FAM221B: variants seen among roughly 807,000 people sequenced by gnomAD.
FAM221B encodes the protein family with sequence similarity 221 member B.
A neutral mutation model predicts 39.8 loss-of-function variants in FAM221B; 35 were observed. The observed-to-expected ratio is 0.88, with a 90% confidence interval of 0.67 to 1.17. The LOEUF (loss-of-function observed/expected upper bound fraction) is 1.17, where lower values mean the gene tolerates loss of function less well. Ranked by LOEUF, FAM221B falls within the 50% of genes most tolerant of loss-of-function variation. The pLI, the probability that FAM221B is intolerant of heterozygous loss-of-function variation, is 0.00. For missense variants in FAM221B, 479 were observed against 503.1 expected, an observed-to-expected ratio of 0.95 and a Z score of 0.46; for synonymous variants, 158 against 178.1, an observed-to-expected ratio of 0.89 and a Z score of 0.90.
intron 3 of FAM221B, chr9:35,821,292 C>A: frequency 2.0e-6 from 1 of 494,204 alleles, no homozygotes; most frequent in Non-Finnish European, 3.4e-6. Context: ...TGAGCTCATT[C>A]CTTCAAGAGG....
intron 3 of FAM221B, among the ~76,000 whole-genome samples, chr9:35,821,844 G>A (rs994493337): frequency 3.3e-5 from 5 of 152,184 alleles, no homozygotes; most frequent in African/African-American, 1.2e-4. Context: ...ATTGGAAGGT[G>A]GCTGTGGATT....
rs1564005306 is a variant in FAM221B at position 35,819,388 on chromosome 9, GAT to G, written c.858_859del (p.Ser287GlyfsTer25). On this transcript the variant is annotated frameshift_variant, in exon 5 of 7. Transcript: ENST00000423537. LOFTEE classifies it high-confidence loss of function. ...GCACTGGCTTACCTTGCAGGGCACCGATATGTCTGTGGGATTGGGGATGGATG... is the reference window on the plus strand; with the variant it reads ...GCACTGGCTTACCTTGCAGGGCACCGATGTCTGTGGGATTGGGGATGGATG... The G allele has an allele frequency of 2.2e-5, 34 of 1,551,232 alleles. No homozygotes were observed. Among genetic ancestry groups the G allele is most frequent in the Non-Finnish European group, 3.0e-5 (34 of 1,146,750 alleles).
rs1269955650 is a variant in FAM221B, at chr9:35,817,373, T to A, written c.*1096A>T. On this transcript the variant is annotated 3_prime_UTR_variant, in exon 7 of 7. Coordinates refer to ENST00000423537, the MANE Select transcript of FAM221B (RefSeq NM_001012446.4). Reference sequence around the variant, plus strand: ...TCTGCTACTGTACCTCATTAGAGACTTCTCTTCCTTTGACTGCTCCCTTTT... The same window carrying A: ...TCTGCTACTGTACCTCATTAGAGACATCTCTTCCTTTGACTGCTCCCTTTT... 2 of 152,460 alleles carry A rather than the reference T, an allele frequency of 1.3e-5. No homozygotes were observed. The highest frequency in any genetic ancestry group is 4.8e-5 in the African/African-American group (2 of 41,462). 9.4% of individuals were successfully genotyped at this position (152,460 alleles called of 1,614,324 possible). A position where few individuals can be genotyped will look rare whatever the true frequency, so the allele number is the denominator to read the frequency against.
Position 35,824,059 on chromosome 9 carries a change from C to T in FAM221B, c.742+1171G>A, listed in dbSNP as rs537992499. On this transcript the variant is annotated intron_variant, in intron 3 of 6. Coordinates refer to ENST00000423537, the MANE Select transcript of FAM221B (RefSeq NM_001012446.4). ...GGGCAAGGGTGGGGAGGTGGAGGGT[C>T]CCTGCATGGGAAAGGGGAAAGTAAA... 2.7e-3 allele frequency among the ~76,000 whole-genome samples: 406 copies of T among 152,010 alleles called. 6 individuals carry two copies. The highest frequency in any genetic ancestry group is 6.7e-3 in the Admixed American group (102 of 15,282).
intron 4 of FAM221B, 77 bp from the exon 5 acceptor site, chr9:35,819,471 C>T (rs746168861): frequency 1.5e-5 from 20 of 1,313,502 alleles, no homozygotes; most frequent in Non-Finnish European, 1.6e-5. Flanking sequence ...CCTCCATCCC[C>T]ACCACCCCCT....
At chr9:35,824,783 G>A (rs189081444) in intron 3 of FAM221B, among the ~76,000 whole-genome samples, 7 of 151,142 alleles carry the variant, frequency 4.6e-5, no homozygotes, top group East Asian at 2.0e-4. Context: ...CCGGGTTCAC[G>A]CCATTCTCCT....
In FAM221B at chr9:35,818,464, C is replaced by T; in HGVS notation, c.*5G>A. ...CTCCTCTTTTATTGCTGATCTGGGC[C>T]AGACTCACAAAGGCCTGTGCCAGTT... On this transcript the variant is annotated 3_prime_UTR_variant, in exon 7 of 7. Transcript: ENST00000423537. 6.4e-7 allele frequency: 1 copy of T among 1,551,734 alleles called. No individual in the cohort carries two copies. Among genetic ancestry groups the T allele is most frequent in the Non-Finnish European group, 8.7e-7 (1 of 1,146,992 alleles).
chr9:35,827,527 T>C (rs1829419880), intron 1 of FAM221B, among the ~76,000 whole-genome samples: 1 of 152,218 alleles, frequency 6.6e-6, no homozygotes, highest in African/African-American at 2.4e-5. Context: ...GAGTCTAGGA[T>C]ACGGTGGGGA....
At position 35,818,165 on chromosome 9, in the gene FAM221B, A is replaced by C; in HGVS notation, c.*304T>G. 1 of 397,138 alleles carries C rather than the reference A, an allele frequency of 2.5e-6. No individual in the cohort carries two copies. Among genetic ancestry groups the C allele is most frequent in the Non-Finnish European group, 4.7e-6 (1 of 214,712 alleles). 24.6% of individuals were successfully genotyped at this position (397,138 alleles called of 1,614,324 possible). On this transcript the variant is annotated 3_prime_UTR_variant, in exon 7 of 7. Transcript: ENST00000423537. ...GTTCCCAAAGATCTTCTAATTGCAA[A>C]ACCCAATGGACACTTTTCAGTCTTT...
In FAM221B at chr9:35,825,143, C is replaced by A; in HGVS notation, c.742+87G>T. 1 of 1,503,370 alleles carries A rather than the reference C, an allele frequency of 6.7e-7. No individual in the cohort carries two copies. Among genetic ancestry groups the A allele is most frequent in the Non-Finnish European group, 9.1e-7 (1 of 1,101,294 alleles). 93.1% of individuals were successfully genotyped at this position (1,503,370 alleles called of 1,614,324 possible). On this transcript the variant is annotated intron_variant, in intron 3 of 6. Coordinates refer to ENST00000423537, the MANE Select transcript of FAM221B (RefSeq NM_001012446.4). This position sits in a 1 kb window ranked among gnomAD's most constrained non-coding sequence, Gnocchi z 4.2. ...AGCCATTTCCAAAAGGGGAAGCTAT[C>A]TGCTGAATGTTCAGGTTCCCAGATC...
intron 3 of FAM221B, among the ~76,000 whole-genome samples, chr9:35,823,315 G>A (rs1283106391): frequency 6.6e-6 from 1 of 152,160 alleles, no homozygotes; most frequent in Non-Finnish European, 1.5e-5. Flanking sequence ...AGAGTGCCAA[G>A]TATTTTGTCT....
In FAM221B at chr9:35,816,935, C is replaced by T. The variant is rs1300346807; in HGVS notation, c.*1534G>A. 1 of 152,178 alleles carries T rather than the reference C, an allele frequency of 6.6e-6. No homozygotes were observed. Among genetic ancestry groups the T allele is most frequent in the Non-Finnish European group, 1.5e-5 (1 of 68,038 alleles). 9.4% of individuals were successfully genotyped at this position (152,178 alleles called of 1,614,324 possible). On this transcript the variant is annotated 3_prime_UTR_variant, in exon 7 of 7. Coordinates refer to ENST00000423537, the MANE Select transcript of FAM221B (RefSeq NM_001012446.4). Reference sequence around the variant, plus strand: ...GTGGTGCCTCTGGGACACTGGGAGACCCTAGAGTTGCCCTGGAGAAGGGCG... The same window carrying T: ...GTGGTGCCTCTGGGACACTGGGAGATCCTAGAGTTGCCCTGGAGAAGGGCG...
In FAM221B at chr9:35,825,650, T is replaced by A; in HGVS notation, c.512A>T (p.Lys171Met). 6.2e-7 allele frequency: 1 copy of A among 1,614,224 alleles called. No homozygotes were observed. The highest frequency in any genetic ancestry group is 8.5e-7 in the Non-Finnish European group (1 of 1,180,046). ...SSQVQVDTTE[K>M]QEEEAGEVEK... ...AACCTCTCCTGCTTCTTCCTCCTGCTTTTCGGTTGTGTCCACTTGGACCTG... is the reference window on the plus strand; with the variant it reads ...AACCTCTCCTGCTTCTTCCTCCTGCATTTCGGTTGTGTCCACTTGGACCTG... Residue 171 changes from lysine to methionine, a missense_variant, in exon 2 of 7, where the codon AAG becomes ATG. Physicochemically the swap from Lys to Met is moderately conservative, Grantham distance 95 (BLOSUM62 -1). Coordinates refer to ENST00000423537, the MANE Select transcript of FAM221B (RefSeq NM_001012446.4). The surrounding 1 kb of genome is among the most constrained non-coding windows in gnomAD (Gnocchi z 4.2).
chr9:35,823,178 A>G (rs556984506), intron 3 of FAM221B, among the ~76,000 whole-genome samples: 2 of 152,318 alleles, frequency 1.3e-5, no homozygotes, highest in African/African-American at 4.8e-5. Flanking sequence ...AAGGCTTACT[A>G]TTCCTCAAGC....
rs116408820 is a variant in FAM221B, at chr9:35,821,041, C to G, written c.743-1041G>C. On this transcript the variant is annotated intron_variant, in intron 3 of 6. Coordinates refer to ENST00000423537, the MANE Select transcript of FAM221B (RefSeq NM_001012446.4). ...CCAATTAAAGGCTCAACTGAAATGTCACCTCCACCAAAAAGGTGTCCCTGA... is the reference window on the plus strand; with the variant it reads ...CCAATTAAAGGCTCAACTGAAATGTGACCTCCACCAAAAAGGTGTCCCTGA... 6.2e-3 allele frequency among the ~76,000 whole-genome samples: 946 copies of G among 152,320 alleles called. 10 individuals are homozygous for G. Among genetic ancestry groups the G allele is most frequent in the African/African-American group, 0.022 (897 of 41,556 alleles).
In FAM221B at chr9:35,825,664, C is replaced by T. The variant is rs202228927; in HGVS notation, c.498G>A (p.Val166=). ...CTTCCTCCTGCTTTTCGGTTGTGTC[C>T]ACTTGGACCTGGGATGAAGGGCCTG... The part of the protein sequence containing the change: ...CLSGPSSQVQ[V]DTTEKQEEEA... The change falls in exon 2 of 7, where the codon GTG becomes GTA. Residue 166 remains valine (V), a synonymous_variant. Coordinates refer to ENST00000423537, the MANE Select transcript of FAM221B (RefSeq NM_001012446.4). This position sits in a 1 kb window ranked among gnomAD's most constrained non-coding sequence, Gnocchi z 4.2. The T allele has an allele frequency of 3.2e-5, 51 of 1,614,154 alleles. No homozygotes were observed. The highest frequency in any genetic ancestry group is 2.0e-4 in the African/African-American group (15 of 75,014).
rs1252104626 is a variant in FAM221B, at chr9:35,816,715, A to G, written c.*1754T>C. 1.3e-5 allele frequency: 2 copies of G among 152,344 alleles called. No individual in the cohort carries two copies. The highest frequency in any genetic ancestry group is 3.8e-4 in the East Asian group (2 of 5,196). 9.4% of individuals were successfully genotyped at this position (152,344 alleles called of 1,614,324 possible). Reference sequence around the variant, plus strand: ...GGAACTTTGCTTCTAGAGATATAACAATCTCTTTTGTATAGCTATATTATT... The same window carrying G: ...GGAACTTTGCTTCTAGAGATATAACGATCTCTTTTGTATAGCTATATTATT... On this transcript the variant is annotated 3_prime_UTR_variant, in exon 7 of 7. Transcript: ENST00000423537.
chr9:35,818,867 C>T, intron 6 of FAM221B, 23 bp downstream of exon 6: 2 of 1,551,098 alleles, frequency 1.3e-6, no homozygotes, highest in Non-Finnish European at 1.7e-6. Flanking sequence ...GGAATGGCCC[C>T]CTGTCCCAGG....
At position 35,825,267 on chromosome 9, in the gene FAM221B, C is replaced by T. The variant is rs1299957358; in HGVS notation, c.705G>A (p.Gln235=). Residue 235 remains glutamine, a synonymous_variant, in exon 3 of 7, where the codon CAG becomes CAA. Transcript: ENST00000423537. This position sits in a 1 kb window ranked among gnomAD's most constrained non-coding sequence, Gnocchi z 4.2. ...CATTCAGGGCTGCATCCTTCTCCCACTGGAAAAGATTGTTCACTTGAGCAC... is the reference window on the plus strand; with the variant it reads ...CATTCAGGGCTGCATCCTTCTCCCATTGGAAAAGATTGTTCACTTGAGCAC... The part of the protein sequence containing the change: ...EFGAQVNNLF[Q]WEKDAALNAI... 6.2e-7 allele frequency: 1 copy of T among 1,614,242 alleles called. No homozygotes were observed. Among genetic ancestry groups the T allele is most frequent in the Admixed American group, 1.7e-5 (1 of 60,026 alleles).
Sources: gnomAD v4.1 joint callset for allele counts (sites outside exome capture counted in the v4.1 genomes callset) on GRCh38, gnomAD v4.1.1 for gene constraint, Gnocchi (gnomAD v3.1) non-coding constraint, MANE v1.5 for transcripts, NCBI Gene and HGNC (gene_info 2026-07-23, HGNC 2026-07-21) for gene names.